The following RAI2 variants were observed in gnomAD, a reference collection of about 807,000 sequenced individuals.
The protein encoded by RAI2 is retinoic acid-induced protein 2.
RAI2 carries 5 observed loss-of-function variants against 15.3 expected under a neutral mutation model. That is an observed-to-expected ratio of 0.33 (90% CI 0.17 to 0.69). RAI2 has a LOEUF of 0.69. Ranked by LOEUF, RAI2 falls within the 30% of genes least tolerant of loss-of-function variation. The pLI is 0.69. For missense variants in RAI2, 424 were observed against 424.7 expected, an observed-to-expected ratio of 1.00 and a Z score of 0.01; for synonymous variants, 191 against 184.0, an observed-to-expected ratio of 1.04 and a Z score of -0.31.
chrX:17,824,821 G>A (rs1023326638), intron 1 of RAI2, among the ~76,000 whole-genome samples: 1 of 111,966 alleles, frequency 8.9e-6, no homozygotes, highest in African/African-American at 3.3e-5. Context: ...ACACATTAGA[G>A]GGAATCCATT....
At chrX:17,821,885 T>G (rs1027426021) in intron 1 of RAI2, among the ~76,000 whole-genome samples, 19 of 110,317 alleles carry the variant, frequency 1.7e-4, no homozygotes, top group Non-Finnish European at 3.2e-4. Context: ...AGCTTTCAGG[T>G]AATGAAGTGA....
chrX:17,804,433 C>T (rs2066955749), intron 1 of RAI2, among the ~76,000 whole-genome samples: 1 of 112,152 alleles, frequency 8.9e-6, no homozygotes. Flanking sequence ...GAGAGGCATC[C>T]ACATCAGCAG....
chrX:17,858,475 T>C (rs2067646758), intron 1 of RAI2, among the ~76,000 whole-genome samples: 1 of 112,318 alleles, frequency 8.9e-6, no homozygotes, highest in East Asian at 2.8e-4. Flanking sequence ...TATTTTCTTA[T>C]CATAAATTTG....
At position 17,801,924 on chromosome X, in the gene RAI2, C is replaced by T; in HGVS notation, c.87G>A (p.Met29Ile). Residue 29 changes from methionine (M) to isoleucine (I), a missense_variant, in exon 2 of 2, where the codon ATG (methionine) becomes ATA (isoleucine). By Grantham distance (10) the Met-to-Ile change is conservative. Transcript: ENST00000451717. The stretch of plus-strand genomic sequence containing the variant: ...AGGCCTCGGTGGTGATCAGCTGAGC[C>T]ATGCCATTCTCCAGTCTGTTATTAG... The part of the protein sequence containing the change: ...ALANNRLENG[M>I]AQLITTEAWN... The T allele has an allele frequency of 8.3e-7, 1 of 1,211,214 alleles. No individual in the cohort carries two copies. Among genetic ancestry groups the T allele is most frequent in the Non-Finnish European group, 1.1e-6 (1 of 895,360 alleles).
At chrX:17,814,214 G>A (rs1007913032) in intron 1 of RAI2, among the ~76,000 whole-genome samples, 1 of 107,513 alleles carries the variant, frequency 9.3e-6, no homozygotes, top group Non-Finnish European at 1.9e-5. Flanking sequence ...CATCTCAACC[G>A]AGAGGCTAGG....
chrX:17,843,400 T>C lies in RAI2; in HGVS notation c.-25+17698A>G, dbSNP rs761687442. Among the ~76,000 whole-genome samples, 7 of 112,438 alleles carry C rather than the reference T, an allele frequency of 6.2e-5. No individual in the cohort carries two copies. The East Asian group carries it at 1.1e-3, about 18-fold the overall frequency. ...CTCATGGCAGCTTTGACAGTGAGAA[T>C]GGAGACAGAAAAGCCATCCAACCCT... On this transcript the variant is annotated intron_variant, in intron 1 of 1. Transcript: ENST00000451717.
At chrX:17,836,664 T>G in intron 1 of RAI2, among the ~76,000 whole-genome samples, 1 of 112,391 alleles carries the variant, frequency 8.9e-6, no homozygotes, top group African/African-American at 3.2e-5. Context: ...CAAAGATATC[T>G]GACGAAGGCC....
intron 1 of RAI2, among the ~76,000 whole-genome samples, chrX:17,847,051 C>A (rs1480742837): frequency 8.9e-6 from 1 of 111,991 alleles, no homozygotes; most frequent in African/African-American, 3.3e-5. Context: ...TAGTCTTCCA[C>A]CATGATTGTG....
chrX:17,830,495 TTTG>T (rs1182544063), intron 1 of RAI2, among the ~76,000 whole-genome samples: 4 of 111,085 alleles, frequency 3.6e-5, no homozygotes, highest in Non-Finnish European at 5.7e-5. Context: ...TTGTTTTTTT[TTTG>T]TTGTTGTTTT....
chrX:17,810,835 T>C (rs1470806278), intron 1 of RAI2, among the ~76,000 whole-genome samples: 3 of 113,064 alleles, frequency 2.7e-5, no homozygotes. Context: ...CATTCATTTT[T>C]ATTCATTCTT....
chrX:17,859,064 T>A (rs2067655730), intron 1 of RAI2, among the ~76,000 whole-genome samples: 1 of 111,332 alleles, frequency 9.0e-6, no homozygotes, highest in Non-Finnish European at 1.9e-5. Context: ...TCTGGGCTTG[T>A]AAGAGGCAGA....
At chrX:17,815,945 A>G (rs1175861432) in intron 1 of RAI2, among the ~76,000 whole-genome samples, 1 of 110,146 alleles carries the variant, frequency 9.1e-6, no homozygotes, top group African/African-American at 3.3e-5. Flanking sequence ...TTAGGTTGGG[A>G]GGAAAAGATA....
chrX:17,848,897 C>T lies in RAI2; in HGVS notation c.-25+12201G>A, dbSNP rs763473492. Among the ~76,000 whole-genome samples, 6 of 112,383 alleles carry T rather than the reference C, an allele frequency of 5.3e-5. No individual in the cohort carries two copies. The South Asian group carries it at 2.2e-3, about 41-fold the overall frequency. On this transcript the variant is annotated intron_variant, in intron 1 of 1. Transcript: ENST00000451717. The stretch of plus-strand genomic sequence containing the variant: ...TAGAGCCCATGCTTCTTCCTTCACC[C>T]GCAACTGGCTCTCCACCCTCTTCCT...
chrX:17,854,985 A>G (rs1482502252), intron 1 of RAI2, among the ~76,000 whole-genome samples: 2 of 111,295 alleles, frequency 1.8e-5, no homozygotes, highest in Non-Finnish European at 3.8e-5. Context: ...TTATGCCATG[A>G]CCAGTGCCTA....
chrX:17,836,562 A>G (rs997961879), intron 1 of RAI2, among the ~76,000 whole-genome samples: 2 of 112,015 alleles, frequency 1.8e-5, no homozygotes, highest in South Asian at 7.5e-4. Context: ...AAGGTGAAAA[A>G]AATTCTAAGT....
Position 17,801,660 on chromosome X carries a change from C to T in RAI2, c.351G>A (p.Gln117=), listed in dbSNP as rs987606511. The stretch of plus-strand genomic sequence containing the variant: ...GCACCACGGGCAGTTGCACGGGGCC[C>T]TGGGTGGTCATGACGTAGGTGGCAT... ...NGNATYVMTT[Q]GPVQLPVVLE... The change falls in exon 2 of 2, where the codon CAG becomes CAA. Residue 117 remains glutamine, a synonymous_variant. Coordinates refer to ENST00000451717, the MANE Select transcript of RAI2 (RefSeq NM_021785.6). 5 of 1,211,944 alleles carry T rather than the reference C, an allele frequency of 4.1e-6. No individual in the cohort carries two copies. The Admixed American group carries it at 8.7e-5, about 21-fold the overall frequency.
At chrX:17,823,199 G>A (rs754454421) in intron 1 of RAI2, among the ~76,000 whole-genome samples, 10 of 111,723 alleles carry the variant, frequency 9.0e-5, no homozygotes, top group African/African-American at 3.3e-4. Context: ...ATGCCGCAGG[G>A]TTGTTAAGAA....
chrX:17,808,710 T>G (rs1456866988), intron 1 of RAI2, among the ~76,000 whole-genome samples: 1 of 110,019 alleles, frequency 9.1e-6, no homozygotes, highest in African/African-American at 3.3e-5. Flanking sequence ...CTTGCAAGGC[T>G]GACTTCCCAG....
chrX:17,821,894 G>T (rs950420999), intron 1 of RAI2, among the ~76,000 whole-genome samples: 17 of 110,353 alleles, frequency 1.5e-4, no homozygotes, highest in African/African-American at 4.9e-4. Context: ...GTAATGAAGT[G>T]ACAAACAGTA....
Sources: gnomAD v4.1 joint callset for allele counts (sites outside exome capture counted in the v4.1 genomes callset) on GRCh38, gnomAD v4.1.1 for gene constraint, MANE v1.5 for transcripts, NCBI Gene and HGNC (gene_info 2026-07-23, HGNC 2026-07-21) for gene names.